NKAIN2: variants seen among roughly 807,000 people sequenced by gnomAD.
The protein encoded by NKAIN2 is sodium/potassium-transporting ATPase subunit beta-1-interacting protein 2.
A neutral mutation model predicts 32.6 loss-of-function variants in NKAIN2; 14 were observed. The ratio of observed to expected loss-of-function variants is 0.43; its 90% CI spans 0.28 to 0.67. The LOEUF is 0.67. NKAIN2 is among the 30% of genes least tolerant of loss of function. The pLI is 0.17. For synonymous variants in NKAIN2, 80 were observed against 87.2 expected (o/e 0.92, Z 0.46); for missense variants, 198 against 258.3 (o/e 0.77, Z 1.60).
chr6:124,043,715 T>G (rs1562325657), intron 1 of NKAIN2, among the ~76,000 whole-genome samples: 2 of 152,070 alleles, frequency 1.3e-5, no homozygotes, highest in Non-Finnish European at 1.5e-5. Context: ...TTGAAGAGGA[T>G]TTTAGCAGAT....
At chr6:123,906,706 T>A (rs1774891407) in intron 1 of NKAIN2, among the ~76,000 whole-genome samples, 1 of 152,228 alleles carries the variant, frequency 6.6e-6, no homozygotes, top group Non-Finnish European at 1.5e-5. Context: ...CTGTCTGTGT[T>A]ATATGAAGTT....
chr6:124,089,677 AG>A, intron 1 of NKAIN2, among the ~76,000 whole-genome samples: 1 of 152,116 alleles, frequency 6.6e-6, no homozygotes, highest in South Asian at 2.1e-4. Flanking sequence ...TCTCTCCCTT[AG>A]AAAGAAGGGA....
At chr6:123,957,913 A>C (rs1472427065) in intron 1 of NKAIN2, among the ~76,000 whole-genome samples, 1 of 152,208 alleles carries the variant, frequency 6.6e-6, no homozygotes, top group Non-Finnish European at 1.5e-5. Flanking sequence ...AGTCAATCAC[A>C]ATATTTAATG....
intron 3 of NKAIN2, among the ~76,000 whole-genome samples, chr6:124,643,808 A>T (rs1784074078): frequency 6.6e-6 from 1 of 152,176 alleles, no homozygotes; most frequent in Non-Finnish European, 1.5e-5. Context: ...AAACTCCAGA[A>T]ATCTAAGAAA....
intron 1 of NKAIN2, among the ~76,000 whole-genome samples, chr6:124,256,356 T>A (rs1793930280): frequency 6.6e-6 from 1 of 152,210 alleles, no homozygotes; most frequent in African/African-American, 2.4e-5. Context: ...TTCATAAACT[T>A]ATTAAAGAAT....
chr6:124,637,034 T>C (rs1486855690), intron 3 of NKAIN2, among the ~76,000 whole-genome samples: 1 of 151,964 alleles, frequency 6.6e-6, no homozygotes, highest in African/African-American at 2.4e-5. Context: ...TAAAAGATAA[T>C]AGATGATAAT....
At chr6:124,523,792 A>G (rs188940705) in intron 3 of NKAIN2, among the ~76,000 whole-genome samples, 1 of 152,240 alleles carries the variant, frequency 6.6e-6, no homozygotes, top group African/African-American at 2.4e-5. Flanking sequence ...GACTATGGAG[A>G]CCTTCTTATC....
chr6:124,658,513 G>A (rs752572829), intron 4 of NKAIN2, 127 bp downstream of exon 4: 15 of 1,506,862 alleles, frequency 1.0e-5, no homozygotes, highest in Admixed American at 2.3e-5. Flanking sequence ...TCATTAATGC[G>A]ACTTTTAACA....
At chr6:124,305,064 T>C (rs1012055520) in intron 2 of NKAIN2, among the ~76,000 whole-genome samples, 3 of 152,188 alleles carry the variant, frequency 2.0e-5, no homozygotes, top group Non-Finnish European at 2.9e-5. Flanking sequence ...TTAAAAAAAT[T>C]AGCTACGAAA....
intron 1 of NKAIN2, among the ~76,000 whole-genome samples, chr6:124,183,436 A>G (rs1172700241): frequency 6.6e-6 from 1 of 152,024 alleles, no homozygotes; most frequent in Non-Finnish European, 1.5e-5. Context: ...TAGATAGAGT[A>G]TAGTCTCTGT....
At chr6:123,882,330 T>A (rs1488076528) in intron 1 of NKAIN2, among the ~76,000 whole-genome samples, 2 of 152,112 alleles carry the variant, frequency 1.3e-5, no homozygotes, top group Non-Finnish European at 2.9e-5. Context: ...ATGAGTCGCT[T>A]TACATCCCAT....
intron 2 of NKAIN2, among the ~76,000 whole-genome samples, chr6:124,339,961 T>G (rs1005226369): frequency 6.6e-6 from 1 of 152,234 alleles, no homozygotes; most frequent in Non-Finnish European, 1.5e-5. Flanking sequence ...GACTATGTTC[T>G]TTCAATACCT....
intron 1 of NKAIN2, among the ~76,000 whole-genome samples, chr6:124,001,559 T>G (rs1438946864): frequency 6.6e-6 from 1 of 151,804 alleles, no homozygotes; most frequent in Non-Finnish European, 1.5e-5. Context: ...TCATAATGAA[T>G]CATGTGTTTC....
chr6:124,504,425 C>T (rs1310088450), intron 3 of NKAIN2, among the ~76,000 whole-genome samples: 1 of 152,142 alleles, frequency 6.6e-6, no homozygotes, highest in Admixed American at 6.5e-5. Context: ...AGAAACTTGA[C>T]TTTAGCTTTG....
At chr6:123,886,272 A>T (rs1056727136) in intron 1 of NKAIN2, among the ~76,000 whole-genome samples, 2 of 152,054 alleles carry the variant, frequency 1.3e-5, no homozygotes, top group Non-Finnish European at 2.9e-5. Context: ...ATAAATAAAA[A>T]AGAAGAAATA....
intron 4 of NKAIN2, among the ~76,000 whole-genome samples, chr6:124,735,031 G>A (rs1018320423): frequency 2.0e-5 from 3 of 151,712 alleles, no homozygotes; most frequent in Admixed American, 6.6e-5. Flanking sequence ...GATTTTAATG[G>A]TCCACACTCA....
intron 1 of NKAIN2, among the ~76,000 whole-genome samples, chr6:123,887,804 C>T (rs1007695466): frequency 1.4e-4 from 21 of 152,052 alleles, no homozygotes; most frequent in African/African-American, 4.6e-4. Flanking sequence ...CTATCATTTC[C>T]TTCTGCTTTG....
At chr6:124,231,463 A>T (rs1251563853) in intron 1 of NKAIN2, among the ~76,000 whole-genome samples, 1 of 152,140 alleles carries the variant, frequency 6.6e-6, no homozygotes, top group Non-Finnish European at 1.5e-5. Context: ...CTGGGGTGGA[A>T]TTATATGGTT....
At chr6:123,994,486 G>A (rs1779536192) in intron 1 of NKAIN2, among the ~76,000 whole-genome samples, 1 of 152,102 alleles carries the variant, frequency 6.6e-6, no homozygotes, top group Admixed American at 6.6e-5. Flanking sequence ...CATAGGTCAT[G>A]TGCAGCTGCT....
Sources: gnomAD v4.1 joint callset for allele counts (sites outside exome capture counted in the v4.1 genomes callset) on GRCh38, gnomAD v4.1.1 for gene constraint, MANE v1.5 for transcripts, NCBI Gene and HGNC (gene_info 2026-07-23, HGNC 2026-07-21) for gene names.